The following DACH1 variants were observed in gnomAD, a reference collection of about 807,000 sequenced individuals.
The protein encoded by DACH1 is dachshund family transcription factor 1, also known as dachshund homolog 1.
DACH1 carries 12 observed loss-of-function variants against 54.2 expected under a neutral mutation model. That is an observed-to-expected ratio of 0.22 (90% CI 0.14 to 0.36). The LOEUF is 0.36. Among genes scored for constraint, DACH1 ranks in the 10% least tolerant of loss-of-function variants. The pLI is 1.00. For missense variants in DACH1, 805 were observed against 929.8 expected (o/e 0.87, Z 1.75); for synonymous variants, 386 against 366.2 (o/e 1.05, Z -0.62).
chr13:71,557,925 C>A, intron 5 of DACH1, among the ~76,000 whole-genome samples: 1 of 143,862 alleles, frequency 7.0e-6, no homozygotes, highest in Non-Finnish European at 1.5e-5. Flanking sequence ...GAGAATATGA[C>A]AACTAATTGT....
intron 10 of DACH1, among the ~76,000 whole-genome samples, chr13:71,463,290 T>C (rs184151957): frequency 1.1e-3 from 163 of 152,150 alleles, no homozygotes; most frequent in African/African-American, 3.7e-3. Context: ...AACTTTGTTT[T>C]ATTTTAGAGA....
chr13:71,480,013 T>C (rs1419234600), intron 7 of DACH1, among the ~76,000 whole-genome samples: 1 of 152,210 alleles, frequency 6.6e-6, no homozygotes, highest in South Asian at 2.1e-4. Context: ...GAATGTATCA[T>C]TATGTGGTAT....
intron 3 of DACH1, among the ~76,000 whole-genome samples, chr13:71,623,958 T>C (rs1196663737): frequency 2.6e-5 from 4 of 151,910 alleles, no homozygotes; most frequent in Non-Finnish European, 5.9e-5. Context: ...ATTTTCACAT[T>C]AGACTCTAAT....
intron 1 of DACH1, among the ~76,000 whole-genome samples, chr13:71,735,686 A>T (rs1329586988): frequency 6.8e-6 from 1 of 147,090 alleles, no homozygotes; most frequent in African/African-American, 2.5e-5. Context: ...CCTACTTGAC[A>T]AACGCATTGC....
At chr13:71,462,188 A>C (rs1876135316) in intron 10 of DACH1, among the ~76,000 whole-genome samples, 1 of 151,964 alleles carries the variant, frequency 6.6e-6, no homozygotes, top group African/African-American at 2.4e-5. Context: ...ATGAATTAGA[A>C]GAGTCTGCAG....
chr13:71,494,897 T>C (rs2138216761), intron 6 of DACH1, among the ~76,000 whole-genome samples: 1 of 152,212 alleles, frequency 6.6e-6, no homozygotes, highest in African/African-American at 2.4e-5. Context: ...TATTTTTCTC[T>C]CCAATCTTAT....
At chr13:71,720,002 G>A (rs1275464522) in intron 1 of DACH1, among the ~76,000 whole-genome samples, 1 of 152,126 alleles carries the variant, frequency 6.6e-6, no homozygotes, top group African/African-American at 2.4e-5. Flanking sequence ...GAAGAATCTA[G>A]GTGAAGAAAG....
chr13:71,693,049 T>C (rs953667173), intron 1 of DACH1, among the ~76,000 whole-genome samples: 1 of 152,130 alleles, frequency 6.6e-6, no homozygotes, highest in Non-Finnish European at 1.5e-5. Context: ...CTTATTATCT[T>C]AATCTTAATC....
chr13:71,542,235 C>G (rs532166249), intron 6 of DACH1, among the ~76,000 whole-genome samples: 1 of 151,650 alleles, frequency 6.6e-6, no homozygotes, highest in African/African-American at 2.4e-5. Flanking sequence ...GGGAAACGAG[C>G]GAAACTCCGT....
At position 71,479,136 on chromosome 13, in the gene DACH1, A is replaced by G. The variant is rs538105015; in HGVS notation, c.1870+33T>C. On this transcript the variant is annotated intron_variant, in intron 8 of 10. Coordinates refer to ENST00000613252, the MANE Select transcript of DACH1 (RefSeq NM_080759.6). ...TATTAATATGTTTAATATTTTCTGTAAATATTTAACTTATCTGGAAATTTG... is the reference window on the plus strand; with the variant it reads ...TATTAATATGTTTAATATTTTCTGTGAATATTTAACTTATCTGGAAATTTG... 1.2e-5 allele frequency: 19 copies of G among 1,565,706 alleles called. No individual in the cohort carries two copies. The South Asian group carries it at 2.0e-4, about 17-fold the overall frequency.
chr13:71,816,590 A>G (rs1226500273), intron 1 of DACH1, among the ~76,000 whole-genome samples: 1 of 139,030 alleles, frequency 7.2e-6, no homozygotes, highest in Non-Finnish European at 1.6e-5. Flanking sequence ...ACGTATATAT[A>G]TACACACATA....
chr13:71,823,697 C>A (rs1363414067), intron 1 of DACH1, among the ~76,000 whole-genome samples: 1 of 151,566 alleles, frequency 6.6e-6, no homozygotes, highest in Non-Finnish European at 1.5e-5. Context: ...GCATTTCAAG[C>A]CAAGTTATCA....
At chr13:71,635,850 G>A (rs1216569390) in intron 2 of DACH1, among the ~76,000 whole-genome samples, 2 of 151,934 alleles carry the variant, frequency 1.3e-5, no homozygotes, top group African/African-American at 2.4e-5. Flanking sequence ...GTGGGATCTC[G>A]TCTCACTGCA....
At chr13:71,582,329 T>C (rs1016499327) in intron 3 of DACH1, among the ~76,000 whole-genome samples, 2 of 152,170 alleles carry the variant, frequency 1.3e-5, no homozygotes, top group African/African-American at 4.8e-5. Flanking sequence ...ATATTCTTTT[T>C]AATAAGATAA....
chr13:71,556,044 A>C (rs1469828495), intron 6 of DACH1, among the ~76,000 whole-genome samples: 2 of 152,246 alleles, frequency 1.3e-5, no homozygotes, highest in Non-Finnish European at 2.9e-5. Flanking sequence ...TGAAAGGGAA[A>C]TGTTTTATGT....
intron 2 of DACH1, among the ~76,000 whole-genome samples, chr13:71,648,931 CAAT>C (rs1225525844): frequency 6.6e-6 from 1 of 152,076 alleles, no homozygotes; most frequent in Non-Finnish European, 1.5e-5. Context: ...AAGGCCATGG[CAAT>C]AATAACATAA....
intron 4 of DACH1, among the ~76,000 whole-genome samples, chr13:71,568,062 G>A (rs766531970): frequency 6.6e-6 from 1 of 151,856 alleles, no homozygotes; most frequent in African/African-American, 2.4e-5. Context: ...ACGTAATAAA[G>A]GAATACATCC....
intron 10 of DACH1, among the ~76,000 whole-genome samples, chr13:71,472,806 T>C (rs1306449042): frequency 6.6e-6 from 1 of 152,206 alleles, no homozygotes; most frequent in Non-Finnish European, 1.5e-5. Context: ...CTTTCTTTTT[T>C]GCCTTTCCCT....
Position 71,817,814 on chromosome 13 carries a change from CT to C in DACH1, c.848+48107del, listed in dbSNP as rs34031888. Among the ~76,000 whole-genome samples, 720 of 119,064 alleles carry C rather than the reference CT, an allele frequency of 6.0e-3. 3 individuals are homozygous for C. The highest frequency in any genetic ancestry group is 0.018 in the African/African-American group (552 of 30,938). 78.1% of individuals were successfully genotyped at this position (119,064 alleles called of 152,430 possible). ...ATTTTCTTTCTTTCTTTCTTTCTTC[CT>C]TTTTTTTTTTTTTTTTTGAGACAGG... is the stretch of plus-strand genomic sequence containing the variant. On this transcript the variant is annotated intron_variant, in intron 1 of 10. Coordinates refer to ENST00000613252, the MANE Select transcript of DACH1 (RefSeq NM_080759.6).
Sources: allele counts gnomAD v4.1 joint callset (sites outside exome capture counted in the v4.1 genomes callset), GRCh38; gene constraint gnomAD v4.1.1; transcripts MANE v1.5; gene names NCBI Gene and HGNC (gene_info 2026-07-23, HGNC 2026-07-21).